The following PIK3C2G variants were observed in gnomAD, a reference collection of about 807,000 sequenced individuals.
PIK3C2G encodes the protein phosphatidylinositol-4-phosphate 3-kinase catalytic subunit type 2 gamma.
Under a neutral mutation model 181.1 loss-of-function variants are expected in PIK3C2G, and 168 were observed. The ratio of observed to expected loss-of-function variants is 0.93; its 90% CI spans 0.82 to 1.05. The LOEUF (loss-of-function observed/expected upper bound fraction) is 1.05. PIK3C2G is among the 50% of genes least tolerant of loss of function. The pLI is 0.00. For missense variants in PIK3C2G, 1,869 were observed against 1,732.8 expected (o/e 1.08, Z -1.40); for synonymous variants, 573 against 592.2 (o/e 0.97, Z 0.47).
At chr12:18,377,085 A>C (rs530528970) in intron 13 of PIK3C2G, among the ~76,000 whole-genome samples, 1 of 152,354 alleles carries the variant, frequency 6.6e-6, no homozygotes, top group South Asian at 2.1e-4. Context: ...TAGACATAAT[A>C]AAGTCAGCAG....
intron 30 of PIK3C2G, among the ~76,000 whole-genome samples, chr12:18,596,085 G>A (rs1194844726): frequency 6.6e-6 from 1 of 151,956 alleles, no homozygotes. Context: ...AATAATTACT[G>A]AATAAATGAT....
At chr12:18,416,403 C>A (rs911058101) in intron 16 of PIK3C2G, among the ~76,000 whole-genome samples, 5 of 152,130 alleles carry the variant, frequency 3.3e-5, no homozygotes, top group African/African-American at 1.2e-4. Flanking sequence ...CACTAAGCAA[C>A]AGATTTTCAA....
chr12:18,433,372 G>GCC (rs1443202435), intron 18 of PIK3C2G, among the ~76,000 whole-genome samples: 1 of 151,972 alleles, frequency 6.6e-6, no homozygotes, highest in Non-Finnish European at 1.5e-5. Context: ...AATTAGCTGG[G>GCC]CGTGGTGGCA....
chr12:18,411,380 G>A (rs2135631105), intron 16 of PIK3C2G, among the ~76,000 whole-genome samples: 1 of 152,174 alleles, frequency 6.6e-6, no homozygotes, highest in South Asian at 2.1e-4. Context: ...ATCTGTATAA[G>A]GAGATTAAAC....
At chr12:18,345,857 G>C (rs750429427) in intron 10 of PIK3C2G, among the ~76,000 whole-genome samples, 34 of 152,112 alleles carry the variant, frequency 2.2e-4, no homozygotes, top group Admixed American at 5.9e-4. Flanking sequence ...ATAAACAACT[G>C]TATCGACTAA....
chr12:18,676,212 T>C, the PIK3C2G span, among the ~76,000 whole-genome samples: 1 of 152,132 alleles, frequency 6.6e-6, no homozygotes, highest in Non-Finnish European at 1.5e-5. Flanking sequence ...AACCAGGTCC[T>C]AATCATGTTG....
intron 31 of PIK3C2G, among the ~76,000 whole-genome samples, chr12:18,618,646 C>A (rs1384904949): frequency 6.6e-6 from 1 of 151,930 alleles, no homozygotes. Context: ...TGAAATGATC[C>A]AGATTTTGGA....
chr12:18,357,989 A>G (rs960523809), intron 11 of PIK3C2G, among the ~76,000 whole-genome samples: 1 of 152,182 alleles, frequency 6.6e-6, no homozygotes, highest in Admixed American at 6.5e-5. Context: ...TTCTTCATCT[A>G]TTCACCCACT....
chr12:18,399,275 A>C lies in PIK3C2G; in HGVS notation c.2127-384A>C, dbSNP rs1405484064. On this transcript the variant is annotated intron_variant, in intron 15 of 32. Coordinates refer to ENST00000538779, the MANE Select transcript of PIK3C2G (RefSeq NM_001288772.2). ...TTTATAAAAAATAAAAAAAATAAGAAAGTAAACGGTTGATTACCTCTGTTC... is the reference window on the plus strand; with the variant it reads ...TTTATAAAAAATAAAAAAAATAAGACAGTAAACGGTTGATTACCTCTGTTC... Among the ~76,000 whole-genome samples the C allele has an allele frequency of 2.0e-5, 3 of 151,858 alleles. No homozygotes were observed. The East Asian group carries it at 5.8e-4, about 29-fold the overall frequency.
At chr12:18,725,800 T>C in the PIK3C2G span, among the ~76,000 whole-genome samples, 5 of 152,106 alleles carry the variant, frequency 3.3e-5, no homozygotes, top group Admixed American at 3.3e-4. Context: ...TGTTTTTCTT[T>C]CCGGAATATC....
chr12:18,291,901 A>C (rs552867531), intron 4 of PIK3C2G, among the ~76,000 whole-genome samples: 93 of 151,786 alleles, frequency 6.1e-4, no homozygotes, highest in African/African-American at 2.2e-3. Context: ...CAAAAAAAAA[A>C]AAAAAATTGT....
intron 29 of PIK3C2G, among the ~76,000 whole-genome samples, chr12:18,590,696 T>C (rs1947034106): frequency 6.6e-6 from 1 of 151,980 alleles, no homozygotes; most frequent in South Asian, 2.1e-4. Flanking sequence ...AAGTCAAGTC[T>C]CAGAAAATTT....
At chr12:18,629,443 T>C (rs1183343645) in intron 31 of PIK3C2G, among the ~76,000 whole-genome samples, 1 of 152,076 alleles carries the variant, frequency 6.6e-6, no homozygotes, top group Non-Finnish European at 1.5e-5. Context: ...ATGAGGCATA[T>C]CACAGAGGAG....
At chr12:18,359,165 T>A (rs1941013637) in intron 11 of PIK3C2G, among the ~76,000 whole-genome samples, 1 of 152,232 alleles carries the variant, frequency 6.6e-6, no homozygotes, top group South Asian at 2.1e-4. Flanking sequence ...TGTTTTGTAA[T>A]TGCCCTTTTG....
chr12:18,507,868 C>T (rs933074771), intron 24 of PIK3C2G, among the ~76,000 whole-genome samples: 1 of 152,156 alleles, frequency 6.6e-6, no homozygotes, highest in African/African-American at 2.4e-5. Context: ...TCATATACCA[C>T]GGTCTGTAGA....
intron 30 of PIK3C2G, among the ~76,000 whole-genome samples, chr12:18,600,567 C>G (rs568727049): frequency 1.3e-5 from 2 of 151,806 alleles, no homozygotes; most frequent in South Asian, 4.2e-4. Context: ...ACTATCTAAC[C>G]TAATCAAAAA....
intron 1 of PIK3C2G, among the ~76,000 whole-genome samples, chr12:18,275,861 C>T (rs1355320702): frequency 1.3e-5 from 2 of 152,182 alleles, no homozygotes; most frequent in Non-Finnish European, 2.9e-5. Context: ...TGAAATCTTA[C>T]CCACTCACTT....
chr12:18,680,016 T>C, the PIK3C2G span, among the ~76,000 whole-genome samples: 1 of 152,026 alleles, frequency 6.6e-6, no homozygotes, highest in African/African-American at 2.4e-5. Flanking sequence ...TCAAATTTTA[T>C]GGCCTAAGAA....
chr12:18,373,875 C>T (rs1322671546), intron 13 of PIK3C2G, among the ~76,000 whole-genome samples: 1 of 151,942 alleles, frequency 6.6e-6, no homozygotes, highest in East Asian at 1.9e-4. Context: ...ATGCTCAAGT[C>T]CAAAGGTAAA....
Sources: allele counts gnomAD v4.1 joint callset (sites outside exome capture counted in the v4.1 genomes callset), GRCh38; gene constraint gnomAD v4.1.1; transcripts MANE v1.5; gene names NCBI Gene and HGNC (gene_info 2026-07-23, HGNC 2026-07-21).